The following GPCPD1 variants were observed in gnomAD, a reference collection of about 807,000 sequenced individuals.
The protein encoded by GPCPD1 is glycerophosphocholine phosphodiesterase GPCPD1.
A neutral mutation model predicts 89.2 loss-of-function variants in GPCPD1; 29 were observed. The observed-to-expected ratio is 0.33, with a 90% CI of 0.24 to 0.44. The LOEUF is 0.44. Among genes scored for constraint, GPCPD1 ranks in the 20% least tolerant of loss-of-function variants. GPCPD1 has a pLI of 1.00. For missense variants in GPCPD1, 594 were observed against 808.9 expected (o/e 0.73, Z 3.22); for synonymous variants, 258 against 266.3 (o/e 0.97, Z 0.30).
intron 2 of GPCPD1, among the ~76,000 whole-genome samples, chr20:5,600,549 G>A (rs544543183): frequency 6.6e-6 from 1 of 151,972 alleles, no homozygotes; most frequent in South Asian, 2.1e-4. Flanking sequence ...TTAGCTGGGT[G>A]CAAGCCGGGT....
intron 13 of GPCPD1, 64 bp downstream of exon 13, chr20:5,567,419 A>G: frequency 6.6e-7 from 1 of 1,506,666 alleles, no homozygotes; most frequent in Middle Eastern, 1.8e-4. Flanking sequence ...ACATAACCAT[A>G]TACAAGCAAG....
At chr20:5,573,345 C>A (rs1439354822) in intron 11 of GPCPD1, among the ~76,000 whole-genome samples, 1 of 152,200 alleles carries the variant, frequency 6.6e-6, no homozygotes, top group African/African-American at 2.4e-5. Flanking sequence ...CTCGGCCTCC[C>A]AAAGTGCTGG....
At chr20:5,560,125 G>T (rs1424609044) in intron 16 of GPCPD1, 49 bp from the exon 17 acceptor site, 12 of 1,361,614 alleles carry the variant, frequency 8.8e-6, no homozygotes, top group African/African-American at 3.0e-5. Flanking sequence ...CCTAAAATCA[G>T]TGCTAGCAAC....
chr20:5,580,492 G>A (rs1355774853), intron 6 of GPCPD1, among the ~76,000 whole-genome samples: 3 of 152,122 alleles, frequency 2.0e-5, no homozygotes, highest in East Asian at 1.9e-4. Context: ...TTGGGAGGCC[G>A]AGGCAGGCGG....
At chr20:5,584,622 T>C (rs1422592885) in intron 5 of GPCPD1, 1 of 176,276 alleles carries the variant, frequency 5.7e-6, no homozygotes, top group East Asian at 1.5e-4. Flanking sequence ...CACTAACCAA[T>C]GTACAAGACT....
In GPCPD1 at chr20:5,567,840, C is replaced by T. The variant is rs1986481247; in HGVS notation, c.1150-280G>A. 4 of 275,554 alleles carry T rather than the reference C, an allele frequency of 1.5e-5. 1 individual carries two copies. The South Asian group carries it at 3.4e-4, about 24-fold the overall frequency. 17.1% of individuals were successfully genotyped at this position (275,554 alleles called of 1,614,324 possible). On this transcript the variant is annotated intron_variant, in intron 12 of 19. Coordinates refer to ENST00000379019, the MANE Select transcript of GPCPD1 (RefSeq NM_019593.5). ...TGGCAGAAAGCTGTAGCGCTGAAGA[C>T]AGCTGAGGATAGAACCAGAAGTCAG... is the stretch of plus-strand genomic sequence containing the variant.
Position 5,557,970 on chromosome 20 carries a change from C to T in GPCPD1, c.1804G>A (p.Gly602Arg), listed in dbSNP as rs2122565487. The change falls in exon 19 of 20, where the codon GGA becomes AGA. Residue 602 changes from glycine (G) to arginine (R), a missense_variant. Transcript: ENST00000379019. ...CTATCATAAATTAGACCATTAACTC[C>T]AAGTTCCTTCAATTTCCTTCTGTTT... ...PENRRKLKEL[G>R]VNGLIYDRIY... The T allele has an allele frequency of 6.3e-7, 1 of 1,597,678 alleles. No individual in the cohort carries two copies. The highest frequency in any genetic ancestry group is 8.6e-7 in the Non-Finnish European group (1 of 1,166,894).
chr20:5,579,332 T>C, intron 7 of GPCPD1, among the ~76,000 whole-genome samples: 1 of 152,186 alleles, frequency 6.6e-6, no homozygotes, highest in East Asian at 1.9e-4. Context: ...CATTCTTATG[T>C]AGCAGACAAT....
At chr20:5,567,162 A>G (rs1429413365) in intron 13 of GPCPD1, among the ~76,000 whole-genome samples, 1 of 152,376 alleles carries the variant, frequency 6.6e-6, no homozygotes, top group East Asian at 1.9e-4. Context: ...AATGACCATT[A>G]TATGAAGAAG....
chr20:5,566,862 G>A, intron 13 of GPCPD1, 90 bp from the exon 14 acceptor site: 2 of 820,288 alleles, frequency 2.4e-6, no homozygotes, highest in Non-Finnish European at 4.2e-6. Flanking sequence ...AAACTAGCAA[G>A]ATAAAAAAGC....
At chr20:5,559,092 C>T (rs928677701) in intron 17 of GPCPD1, among the ~76,000 whole-genome samples, 2 of 151,960 alleles carry the variant, frequency 1.3e-5, no homozygotes, top group Admixed American at 1.3e-4. Context: ...ATCCCAGCTA[C>T]CGAGGAGGCT....
At chr20:5,607,694 C>G (rs1435041526) in intron 1 of GPCPD1, among the ~76,000 whole-genome samples, 1 of 151,958 alleles carries the variant, frequency 6.6e-6, no homozygotes, top group Non-Finnish European at 1.5e-5. Flanking sequence ...TGTGGTGGCT[C>G]ACGCCTATAA....
At chr20:5,595,025 T>C (rs1327729225) in intron 3 of GPCPD1, among the ~76,000 whole-genome samples, 2 of 152,200 alleles carry the variant, frequency 1.3e-5, no homozygotes, top group African/African-American at 4.8e-5. Context: ...CTGTCTTATT[T>C]TAAGAAATTG....
At chr20:5,570,039 G>A in intron 12 of GPCPD1, 108 bp downstream of exon 12, 1 of 540,118 alleles carries the variant, frequency 1.9e-6, no homozygotes, top group Middle Eastern at 5.0e-4. Flanking sequence ...CCAAGAAAAT[G>A]AATTAACCAA....
intron 19 of GPCPD1, among the ~76,000 whole-genome samples, chr20:5,552,223 T>C (rs1228371858): frequency 6.6e-6 from 1 of 152,092 alleles, no homozygotes. Context: ...ACCTTTCCCC[T>C]CCTCAGACCC....
At chr20:5,564,586 G>C (rs1475646214) in intron 15 of GPCPD1, among the ~76,000 whole-genome samples, 1 of 152,116 alleles carries the variant, frequency 6.6e-6, no homozygotes, top group African/African-American at 2.4e-5. Flanking sequence ...TCAACCCTTG[G>C]GGAGGCTGAG....
At chr20:5,593,239 G>A (rs987971446) in intron 4 of GPCPD1, 88 bp downstream of exon 4, 1 of 712,870 alleles carries the variant, frequency 1.4e-6, no homozygotes, top group Non-Finnish European at 2.5e-6. Context: ...CAAAGCAAAT[G>A]CATTTTACTT....
intron 1 of GPCPD1, among the ~76,000 whole-genome samples, chr20:5,608,344 C>G (rs1031229406): frequency 1.3e-5 from 2 of 152,174 alleles, no homozygotes; most frequent in Non-Finnish European, 2.9e-5. Flanking sequence ...AAAGCATCAT[C>G]TTCCACTTGA....
rs542632040 is a variant in GPCPD1, at chr20:5,566,285, C to T, written c.1267+448G>A. Among the ~76,000 whole-genome samples the T allele has an allele frequency of 1.8e-4, 28 of 152,214 alleles. No individual in the cohort carries two copies. The South Asian group carries it at 5.6e-3, about 30-fold the overall frequency. Reference sequence around the variant, plus strand: ...GAAAATAAAGGATTTAAAATGAATACAATAAGCCTCATATGAATGGCACAG... The same window carrying T: ...GAAAATAAAGGATTTAAAATGAATATAATAAGCCTCATATGAATGGCACAG... On this transcript the variant is annotated intron_variant, in intron 14 of 19. Coordinates refer to ENST00000379019, the MANE Select transcript of GPCPD1 (RefSeq NM_019593.5).
Sources: allele counts gnomAD v4.1 joint callset (sites outside exome capture counted in the v4.1 genomes callset), GRCh38; gene constraint gnomAD v4.1.1; transcripts MANE v1.5; gene names NCBI Gene and HGNC (gene_info 2026-07-23, HGNC 2026-07-21).